FCGR3B: variants seen among roughly 807,000 people sequenced by gnomAD.
FCGR3B encodes the protein low affinity immunoglobulin gamma Fc region receptor III-B.
A neutral mutation model predicts 26.7 loss-of-function variants in FCGR3B; 20 were observed. That is an observed-to-expected ratio of 0.75 (90% CI 0.53 to 1.09). FCGR3B has a LOEUF of 1.09. Ranked by LOEUF, FCGR3B falls within the 50% of genes least tolerant of loss-of-function variation. The pLI is 0.00. For missense variants in FCGR3B, 191 were observed against 279.7 expected (o/e 0.68, Z 2.26); for synonymous variants, 79 against 107.0 (o/e 0.74, Z 1.62).
rs1237641858 is a variant in FCGR3B, at chr1:161,624,826, A to G, written c.578-187T>C. Among the ~76,000 whole-genome samples, 23 of 148,416 alleles carry G rather than the reference A, an allele frequency of 1.5e-4. 1 individual carries two copies. The highest frequency in any genetic ancestry group is 3.3e-4 in the Non-Finnish European group (22 of 67,248). On this transcript the variant is annotated intron_variant, in intron 4 of 4. Coordinates refer to ENST00000650385, the MANE Select transcript of FCGR3B (RefSeq NM_001244753.2). ...TTCCTGATCTTAGTGCTATCTGAGC[A>G]GAGGACAGCTCACCAAACACTTAGC...
At chr1:161,631,433 C>G (rs1197957034), upstream of FCGR3B, 28 of 564,744 alleles carry the variant, frequency 5.0e-5, no homozygotes, top group African/African-American at 4.9e-4. Flanking sequence ...CCCCCATCTC[C>G]TGGATTTAGA....
intron 3 of FCGR3B, among the ~76,000 whole-genome samples, chr1:161,628,519 T>A (rs1315377763): frequency 6.7e-6 from 1 of 149,116 alleles, no homozygotes; most frequent in Non-Finnish European, 1.5e-5. Context: ...TCTTGGTAAT[T>A]CCCCCATTTT....
Position 161,624,411 on chromosome 1 carries a change from A to T in FCGR3B, c.*104T>A, listed in dbSNP as rs534433689. 4.3e-5 allele frequency: 58 copies of T among 1,336,246 alleles called. 3 individuals carry two copies. In the African/African-American group the frequency reaches 7.9e-4, roughly 18 times the overall value. The allele number at this position is 1,336,246 out of a possible 1,614,324, so 82.8% of individuals were successfully genotyped here. ...TGCAAATCCAGAGAAATGTTCAGAG[A>T]TGCTGCTGCCACTGCTCTTATTACC... On this transcript the variant is annotated 3_prime_UTR_variant, in exon 5 of 5. Coordinates refer to ENST00000650385, the MANE Select transcript of FCGR3B (RefSeq NM_001244753.2).
At chr1:161,630,487 C>T in intron 1 of FCGR3B, 99 bp from the exon 2 acceptor site, 2 of 1,035,680 alleles carry the variant, frequency 1.9e-6, no homozygotes, top group East Asian at 2.6e-5. Flanking sequence ...TCCTCTGCCC[C>T]AGGAGCCCAA....
rs1403308226 is a variant in FCGR3B at position 161,626,269 on chromosome 1, A to C, written c.453T>G (p.Phe151Leu). The change falls in exon 4 of 5, where the codon TTT (phenylalanine) becomes TTG (leucine). Residue 151 changes from phenylalanine to leucine, a missense_variant. By Grantham distance (22) the Phe-to-Leu change is conservative. Transcript: ENST00000650385. ...YLQNGKDRKY[F>L]HHNSDFHIPK... is the part of the protein sequence containing the mutation. ...GAATGTGGAAGTCAGAATTATGATG[A>C]AAATACTTCCTGTCTTTGCCATTCT... 1.9e-6 allele frequency: 3 copies of C among 1,608,714 alleles called. No homozygotes were observed. The highest frequency in any genetic ancestry group is 2.5e-6 in the Non-Finnish European group (3 of 1,177,718).
chr1:161,623,396 G>C lies in FCGR3B; in HGVS notation c.*1119C>G, dbSNP rs1679297593. 1 of 150,484 alleles carries C rather than the reference G, an allele frequency of 6.6e-6. No individual in the cohort carries two copies. Among genetic ancestry groups the C allele is most frequent in the African/African-American group, 2.5e-5 (1 of 40,436 alleles). 9.3% of individuals were successfully genotyped at this position (150,484 alleles called of 1,614,324 possible). A position where few individuals can be genotyped will look rare whatever the true frequency, so the allele number is the denominator to read the frequency against. ...TTGGAACTGACATGAAGAAGGATTT[G>C]AAAGTTTCACAGCGTAACTCAGTGA... On this transcript the variant is annotated 3_prime_UTR_variant, in exon 5 of 5. Transcript: ENST00000650385.
Position 161,631,143 on chromosome 1 carries a change from A to G in FCGR3B, c.-49T>C, listed in dbSNP as rs767170106. On this transcript the variant is annotated 5_prime_UTR_variant, in exon 1 of 5. Transcript: ENST00000650385. ...TCACCAAAGATATCCGGAGCCCTAA[A>G]GGGACCAAGCCGACTAGACAGGAGG... is the stretch of plus-strand genomic sequence containing the variant. The G allele has an allele frequency of 6.2e-7, 1 of 1,607,762 alleles. No individual in the cohort carries two copies. Among genetic ancestry groups the G allele is most frequent in the Admixed American group, 1.7e-5 (1 of 59,528 alleles).
At position 161,628,230 on chromosome 1, in the gene FCGR3B, G is replaced by A. The variant is rs151163692; in HGVS notation, c.319+1548C>T. 7.0e-4 allele frequency among the ~76,000 whole-genome samples: 105 copies of A among 150,094 alleles called. 3 individuals carry two copies. The highest frequency in any genetic ancestry group is 3.9e-4 in the East Asian group (2 of 5,146). Reference sequence around the variant, plus strand: ...GGAGGTTGCAGTGAACCAAGATTGCGCCACTGCACTCCAGCTTGGGTGACA... The same window carrying A: ...GGAGGTTGCAGTGAACCAAGATTGCACCACTGCACTCCAGCTTGGGTGACA... On this transcript the variant is annotated intron_variant, in intron 3 of 4. Transcript: ENST00000650385.
Position 161,631,167 on chromosome 1 carries a change from G to A in FCGR3B, c.-73C>T, listed in dbSNP as rs1570989323. 1.2e-6 allele frequency: 2 copies of A among 1,606,908 alleles called. No individual in the cohort carries two copies. The highest frequency in any genetic ancestry group is 2.2e-5 in the East Asian group (1 of 44,682). ...AAGGGACCAAGCCGACTAGACAGGAGGGAGTAAACAGCCTTTCCCCAGTCC... is the reference window on the plus strand; with the variant it reads ...AAGGGACCAAGCCGACTAGACAGGAAGGAGTAAACAGCCTTTCCCCAGTCC... On this transcript the variant is annotated 5_prime_UTR_variant, in exon 1 of 5. Transcript: ENST00000650385.
At position 161,629,988 on chromosome 1, in the gene FCGR3B, C is replaced by T. The variant is rs375357751; in HGVS notation, c.109G>A (p.Val37Met). 691 of 1,382,262 alleles carry T rather than the reference C, an allele frequency of 5.0e-4. 173 individuals carry two copies. Among genetic ancestry groups the T allele is most frequent in the Non-Finnish European group, 6.0e-4 (627 of 1,039,892 alleles). 85.6% of individuals were successfully genotyped at this position (1,382,262 alleles called of 1,614,324 possible). The change falls in exon 3 of 5, where the codon GTG becomes ATG. Residue 37 changes from valine to methionine, a missense_variant. Physicochemically the swap from Val to Met is conservative, Grantham distance 21. This residue lies in a region of FCGR3B where 88 missense variants were observed against 165.2 expected (regional missense o/e 0.53). Transcript: ENST00000650385. ...VVFLEPQWYS[V>M]LEKDSVTLKC... Reference sequence around the variant, plus strand: ...AGAGTCACACTGTCCTTCTCAAGCACGCTGTACCATTGAGGCTCCAGGAAC... The same window carrying T: ...AGAGTCACACTGTCCTTCTCAAGCATGCTGTACCATTGAGGCTCCAGGAAC...
upstream of FCGR3B, chr1:161,631,207 G>A: frequency 4.4e-6 from 7 of 1,588,170 alleles, no homozygotes; most frequent in Non-Finnish European, 6.0e-6. Flanking sequence ...ACCCATCTCT[G>A]TCACCTGCCA....
chr1:161,624,716 A>G, intron 4 of FCGR3B, 77 bp from the exon 5 acceptor site: 1 of 1,423,292 alleles, frequency 7.0e-7, no homozygotes, highest in Non-Finnish European at 9.7e-7. Flanking sequence ...TGAGGTCACC[A>G]GTAGAGAGTC....
At position 161,623,825 on chromosome 1, in the gene FCGR3B, C is replaced by A. The variant is rs1679320158; in HGVS notation, c.*690G>T. ...GAAATGGTCCAGTTCTGATAGAGTC[C>A]CCTGGAAGACTCAATTCTACGTCAC... is the stretch of plus-strand genomic sequence containing the variant. On this transcript the variant is annotated 3_prime_UTR_variant, in exon 5 of 5. Transcript: ENST00000650385. The A allele has an allele frequency of 6.8e-6, 1 of 146,760 alleles. No homozygotes were observed. The highest frequency in any genetic ancestry group is 1.5e-5 in the Non-Finnish European group (1 of 67,104). The allele number at this position is 146,760 out of a possible 1,614,324, so 9.1% of individuals were successfully genotyped here.
At position 161,626,660 on chromosome 1, in the gene FCGR3B, A is replaced by C. The variant is rs573255358; in HGVS notation, c.320-258T>G. On this transcript the variant is annotated intron_variant, in intron 3 of 4. Transcript: ENST00000650385. Reference sequence around the variant, plus strand: ...CAGGGTTAGAGCAGAGGGACTAAGCAATGAGGTAAGTGAGAAGCAACGATG... The same window carrying C: ...CAGGGTTAGAGCAGAGGGACTAAGCCATGAGGTAAGTGAGAAGCAACGATG... 5.5e-3 allele frequency among the ~76,000 whole-genome samples: 817 copies of C among 149,070 alleles called. 32 individuals carry two copies. The highest frequency in any genetic ancestry group is 7.6e-3 in the Non-Finnish European group (513 of 67,452).
At chr1:161,630,423 G>C (rs199635916) in intron 1 of FCGR3B, 35 bp from the exon 2 acceptor site, 1 of 1,596,646 alleles carries the variant, frequency 6.3e-7, no homozygotes, top group Non-Finnish European at 8.5e-7. Flanking sequence ...ATATTGAGTA[G>C]GGGCAGAGAT....
rs199850917 is a variant in FCGR3B at position 161,626,431 on chromosome 1, G to A, written c.320-29C>T. On this transcript the variant is annotated intron_variant, in intron 3 of 4. Transcript: ENST00000650385. ...AAAGACACAGAGACACCCCAGGCCC[G>A]GGAGGCCTCAGCTCTCAGTGCAGAG... is the stretch of plus-strand genomic sequence containing the variant. The A allele has an allele frequency of 2.7e-3, 4,397 of 1,605,870 alleles. 318 individuals are homozygous for A. In the South Asian group the frequency reaches 0.045, roughly 17 times the overall value.
chr1:161,627,212 C>A lies in FCGR3B; in HGVS notation c.320-810G>T, dbSNP rs572050712. ...TATTATAATGGCATAAGAAAATATTCATGAGACAATGTTAAGTTAAAAAAG... is the reference window on the plus strand; with the variant it reads ...TATTATAATGGCATAAGAAAATATTAATGAGACAATGTTAAGTTAAAAAAG... On this transcript the variant is annotated intron_variant, in intron 3 of 4. Transcript: ENST00000650385. Among the ~76,000 whole-genome samples, 28 of 149,728 alleles carry A rather than the reference C, an allele frequency of 1.9e-4. 2 individuals are homozygous for A. The South Asian group carries it at 6.0e-3, about 32-fold the overall frequency.
chr1:161,631,028 C>G, intron 1 of FCGR3B, 27 bp downstream of exon 1: 1 of 1,598,172 alleles, frequency 6.3e-7, no homozygotes, highest in Non-Finnish European at 8.5e-7. Flanking sequence ...TCAAACTTCT[C>G]CCTCAACCAG....
upstream of FCGR3B, chr1:161,631,934 G>C (rs1328973024): frequency 3.4e-5 from 5 of 147,728 alleles, no homozygotes; most frequent in African/African-American, 1.0e-4. Flanking sequence ...GCCCCTCCGG[G>C]CCACTGGATC....
Sources: gnomAD v4.1 joint callset for allele counts (sites outside exome capture counted in the v4.1 genomes callset) on GRCh38, gnomAD v4.1.1 for gene constraint, gnomAD v4.1.1 regional missense constraint, MANE v1.5 for transcripts, NCBI Gene and HGNC (gene_info 2026-07-23, HGNC 2026-07-21) for gene names.